The following CSMD1 variants were observed in gnomAD, a reference collection of about 807,000 sequenced individuals.
CSMD1 encodes the protein CUB and Sushi multiple domains 1.
Under a neutral mutation model 417.5 loss-of-function variants are expected in CSMD1, and 213 were observed. That is an observed-to-expected ratio of 0.51 (90% CI 0.46 to 0.57). The LOEUF (loss-of-function observed/expected upper bound fraction) is 0.57, where lower values mean the gene tolerates loss of function less well. CSMD1 is among the 20% of genes least tolerant of loss of function. CSMD1 has a pLI of 0.00. For synonymous variants in CSMD1, 2,862 were observed against 1,736.8 expected (o/e 1.65, Z -16.11); for missense variants, 6,923 against 4,529.7 (o/e 1.53, Z -15.17).
intron 5 of CSMD1, among the ~76,000 whole-genome samples, chr8:3,911,565 A>C (rs1384562969): frequency 6.6e-6 from 1 of 151,726 alleles, no homozygotes; most frequent in African/African-American, 2.4e-5. Context: ...GAAGAAAACG[A>C]AGGCTATATA....
intron 7 of CSMD1, among the ~76,000 whole-genome samples, chr8:3,651,948 A>G (rs1474541855): frequency 6.7e-6 from 1 of 150,356 alleles, no homozygotes; most frequent in East Asian, 2.0e-4. Context: ...TGGGCCTACC[A>G]CCATCAGAGC....
intron 10 of CSMD1, among the ~76,000 whole-genome samples, chr8:3,497,639 T>A (rs1371705755): frequency 6.6e-6 from 1 of 152,212 alleles, no homozygotes; most frequent in East Asian, 1.9e-4. Context: ...TTGGTTTCTG[T>A]TTGCATGGAC....
chr8:4,646,918 A>C (rs1210420982), intron 1 of CSMD1, among the ~76,000 whole-genome samples: 2 of 152,156 alleles, frequency 1.3e-5, no homozygotes, highest in Non-Finnish European at 2.9e-5. Context: ...ACCTCATCAA[A>C]ATTAGTACAC....
intron 5 of CSMD1, among the ~76,000 whole-genome samples, chr8:3,852,498 T>C (rs1803983556): frequency 6.6e-6 from 1 of 152,176 alleles, no homozygotes. Context: ...TAGAAGATGC[T>C]GACAGTTGAC....
rs1231391889 is a variant in CSMD1 at position 3,089,806 on chromosome 8, A to G, written c.7285+1710T>C. ...AAAATTGTGTATTCTTCTTCTCCCA[A>G]TACAGTTTAACAATGAGGCTCTCCT... On this transcript the variant is annotated intron_variant, in intron 48 of 69. Transcript: ENST00000635120. Among the ~76,000 whole-genome samples the G allele has an allele frequency of 3.3e-5, 5 of 152,140 alleles. No individual in the cohort carries two copies. In the South Asian group the frequency reaches 6.2e-4, roughly 19 times the overall value.
At chr8:4,059,608 G>A (rs1446589995) in intron 3 of CSMD1, among the ~76,000 whole-genome samples, 1 of 151,862 alleles carries the variant, frequency 6.6e-6, no homozygotes, top group Non-Finnish European at 1.5e-5. Flanking sequence ...TGATAAAGGG[G>A]ATATCACCAC....
intron 5 of CSMD1, among the ~76,000 whole-genome samples, chr8:3,797,868 C>A (rs750585086): frequency 2.0e-5 from 3 of 151,934 alleles, no homozygotes; most frequent in Non-Finnish European, 4.4e-5. Flanking sequence ...ATTTTATATT[C>A]CCACAGTAAG....
chr8:3,529,566 T>G (rs1156729183), intron 10 of CSMD1, among the ~76,000 whole-genome samples: 2 of 152,186 alleles, frequency 1.3e-5, no homozygotes, highest in African/African-American at 4.8e-5. Context: ...GACCACACAA[T>G]GGAAGAGTAG....
rs554634659 is a variant in CSMD1 at position 4,447,062 on chromosome 8, G to A, written c.303-26997C>T. On this transcript the variant is annotated intron_variant, in intron 2 of 69. Coordinates refer to ENST00000635120, the MANE Select transcript of CSMD1 (RefSeq NM_033225.6). ...GATCATCAGCCTGTGTCAGGTCTGC[G>A]AGCCTAGCCTCAGTTATGACAGCGT... 7.2e-5 allele frequency among the ~76,000 whole-genome samples: 11 copies of A among 152,208 alleles called. No individual in the cohort carries two copies. The South Asian group carries it at 1.7e-3, about 23-fold the overall frequency.
chr8:4,684,626 G>A lies in CSMD1; in HGVS notation c.86-47068C>T, dbSNP rs1238518687. On this transcript the variant is annotated intron_variant, in intron 1 of 69. Transcript: ENST00000635120. ...GAACCCTCTTTTGAAAATTAGGAAT[G>A]ATATTAATTGAATGTAAGGATTATA... Among the ~76,000 whole-genome samples the A allele has an allele frequency of 2.0e-5, 3 of 152,250 alleles. No homozygotes were observed. The East Asian group carries it at 5.8e-4, about 29-fold the overall frequency.
At chr8:3,247,396 C>A (rs189244992) in intron 26 of CSMD1, among the ~76,000 whole-genome samples, 2 of 152,268 alleles carry the variant, frequency 1.3e-5, no homozygotes, top group Middle Eastern at 3.4e-3. Flanking sequence ...GACATTGTGA[C>A]CCCTCTGCTG....
chr8:3,648,441 A>T (rs925519987), intron 7 of CSMD1, among the ~76,000 whole-genome samples: 4 of 152,224 alleles, frequency 2.6e-5, no homozygotes, highest in Non-Finnish European at 4.4e-5. Flanking sequence ...AGATTTTAAT[A>T]CTGGAGTACC....
At chr8:3,448,075 G>C (rs1351731251) in intron 12 of CSMD1, among the ~76,000 whole-genome samples, 1 of 151,690 alleles carries the variant, frequency 6.6e-6, no homozygotes, top group Non-Finnish European at 1.5e-5. Context: ...TAATAACAGA[G>C]ATATAATCCT....
In CSMD1 at chr8:2,996,541, C is replaced by T. The variant is rs576149080; in HGVS notation, c.8377+1470G>A. The stretch of plus-strand genomic sequence containing the variant: ...GGCCTGTGCAGTAAACTCAGCTCTG[C>T]TCCGTATGGAGTCCTGCGGCCTCCA... On this transcript the variant is annotated intron_variant, in intron 54 of 69. Transcript: ENST00000635120. 9.2e-5 allele frequency among the ~76,000 whole-genome samples: 14 copies of T among 152,332 alleles called. No homozygotes were observed. In the South Asian group the frequency reaches 2.9e-3, roughly 32 times the overall value.
chr8:3,943,280 T>C (rs1811005177), intron 5 of CSMD1, among the ~76,000 whole-genome samples: 1 of 151,964 alleles, frequency 6.6e-6, no homozygotes, highest in South Asian at 2.1e-4. Flanking sequence ...ATAAAGTGTA[T>C]GCAAAGCACT....
chr8:3,044,705 A>ATAATTCCT (rs1811325180), intron 50 of CSMD1, among the ~76,000 whole-genome samples: 1 of 152,212 alleles, frequency 6.6e-6, no homozygotes, highest in African/African-American at 2.4e-5. Flanking sequence ...AAATGGAAGC[A>ATAATTCCT]TAATTCCTTA....
At chr8:3,394,280 T>C (rs1177343246) in intron 17 of CSMD1, among the ~76,000 whole-genome samples, 2 of 147,316 alleles carry the variant, frequency 1.4e-5, no homozygotes, top group South Asian at 2.1e-4. Flanking sequence ...CCATATTTTA[T>C]AATAATAAAA....
rs146468031 is a variant in CSMD1, at chr8:2,980,315, TCTCCTC to T, written c.8378-1521_8378-1516del. Among the ~76,000 whole-genome samples, 94 of 148,980 alleles carry T rather than the reference TCTCCTC, an allele frequency of 6.3e-4. 1 individual carries two copies. The highest frequency in any genetic ancestry group is 4.6e-3 in the East Asian group (23 of 5,014). On this transcript the variant is annotated intron_variant, in intron 54 of 69. Coordinates refer to ENST00000635120, the MANE Select transcript of CSMD1 (RefSeq NM_033225.6). The stretch of plus-strand genomic sequence containing the variant: ...GCCAGATTGAGCTGATGCCACCATT[TCTCCTC>T]CTCCTCCTCCTCCTCCTCCTCCATT...
intron 3 of CSMD1, among the ~76,000 whole-genome samples, chr8:4,383,109 G>A (rs1168373121): frequency 6.6e-6 from 1 of 152,096 alleles, no homozygotes; most frequent in Non-Finnish European, 1.5e-5. Context: ...TCTATTATGG[G>A]CTTTCCTGTG....
Sources: allele counts gnomAD v4.1 joint callset (sites outside exome capture counted in the v4.1 genomes callset), GRCh38; gene constraint gnomAD v4.1.1; transcripts MANE v1.5; gene names NCBI Gene and HGNC (gene_info 2026-07-23, HGNC 2026-07-21).